The following TET1 variants were observed in gnomAD, a reference collection of about 807,000 sequenced individuals.
TET1 encodes the protein methylcytosine dioxygenase TET1.
TET1 carries 13 observed loss-of-function variants against 148.7 expected under a neutral mutation model. That is an observed-to-expected ratio of 0.09 (90% CI 0.06 to 0.14). The LOEUF is 0.14. Among genes scored for constraint, TET1 ranks in the 10% least tolerant of loss-of-function variants. TET1 has a pLI of 1.00. For missense variants in TET1, 2,182 were observed against 2,553.8 expected (o/e 0.85, Z 3.14); for synonymous variants, 907 against 937.2 (o/e 0.97, Z 0.59).
chr10:68,686,073 C>A (rs931316907), intron 10 of TET1, among the ~76,000 whole-genome samples: 1 of 152,056 alleles, frequency 6.6e-6, no homozygotes, highest in African/African-American at 2.4e-5. Context: ...TGAAATGTAA[C>A]AAGAATGTTT....
intron 2 of TET1, among the ~76,000 whole-genome samples, chr10:68,590,996 C>T (rs1292740102): frequency 6.6e-6 from 1 of 152,130 alleles, no homozygotes; most frequent in Non-Finnish European, 1.5e-5. Flanking sequence ...GCTGGGATTA[C>T]AGGCATGCAC....
intron 2 of TET1, among the ~76,000 whole-genome samples, chr10:68,590,948 C>G (rs1222279302): frequency 6.6e-6 from 1 of 152,014 alleles, no homozygotes; most frequent in Non-Finnish European, 1.5e-5. Context: ...CTCCACCTCC[C>G]AGGTTCAAGC....
chr10:68,677,866 T>C (rs1402706677), intron 8 of TET1, among the ~76,000 whole-genome samples: 2 of 152,184 alleles, frequency 1.3e-5, no homozygotes, highest in Non-Finnish European at 2.9e-5. Context: ...GTGATTCGCC[T>C]GCCTTGGCCT....
chr10:68,646,498 G>C lies in TET1; in HGVS notation c.3769G>C (p.Val1257Leu). Residue 1257 changes from valine to leucine, a missense_variant, in exon 4 of 12, where the codon GTT (valine) becomes CTT (leucine). Coordinates refer to ENST00000373644, the MANE Select transcript of TET1 (RefSeq NM_030625.3). ...YPESAEEKVKVEPLDSLSLFH... is the reference protein window; with the variant it reads ...YPESAEEKVKLEPLDSLSLFH... ...TGAATCAGCAGAGGAAAAGGTGAAG[G>C]TTGAACCATTGGATTCACTCAGCTT... 1.2e-6 allele frequency: 2 copies of C among 1,614,180 alleles called. No homozygotes were observed. The highest frequency in any genetic ancestry group is 2.2e-5 in the South Asian group (2 of 91,084).
intron 2 of TET1, among the ~76,000 whole-genome samples, chr10:68,576,111 T>G (rs1037577715): frequency 6.6e-6 from 1 of 151,888 alleles, no homozygotes; most frequent in African/African-American, 2.4e-5. Flanking sequence ...ATCCCAGAAC[T>G]TTGGGAGGCT....
chr10:68,661,196 ATTTTTTTTT>A (rs974912892), intron 6 of TET1, among the ~76,000 whole-genome samples: 22 of 78,612 alleles, frequency 2.8e-4, no homozygotes, highest in African/African-American at 8.7e-4. Flanking sequence ...CGCCTGGCTA[ATTTTTTTTT>A]TTTTTTTTTT....
intron 2 of TET1, among the ~76,000 whole-genome samples, chr10:68,585,147 G>A (rs2053847020): frequency 6.6e-6 from 1 of 152,108 alleles, no homozygotes; most frequent in Non-Finnish European, 1.5e-5. Flanking sequence ...TGGGATTAAA[G>A]GCATGCGCCA....
chr10:68,629,107 G>A (rs972613038), intron 3 of TET1, among the ~76,000 whole-genome samples: 1 of 152,152 alleles, frequency 6.6e-6, no homozygotes, highest in African/African-American at 2.4e-5. Context: ...GCTCATGCCT[G>A]GAATCTCAGC....
intron 2 of TET1, among the ~76,000 whole-genome samples, chr10:68,594,498 TG>T (rs1438596457): frequency 6.6e-6 from 1 of 151,270 alleles, no homozygotes; most frequent in Non-Finnish European, 1.5e-5. Context: ...CTTGGGAGAG[TG>T]GGGGAAGAGC....
At chr10:68,624,656 CTT>C (rs774695593) in intron 3 of TET1, among the ~76,000 whole-genome samples, 113 of 59,234 alleles carry the variant, frequency 1.9e-3, no homozygotes, top group African/African-American at 4.6e-3. Flanking sequence ...TTCTTTCTTT[CTT>C]TCTCTCTCTC....
Position 68,691,513 on chromosome 10 carries a change from A to G in TET1, c.6110A>G (p.Asn2037Ser), listed in dbSNP as rs1305975623. The G allele has an allele frequency of 1.2e-6, 2 of 1,613,760 alleles. No homozygotes were observed. Among genetic ancestry groups the G allele is most frequent in the Admixed American group, 1.7e-5 (1 of 59,986 alleles). The change falls in exon 12 of 12, where the codon AAC (asparagine) becomes AGC (serine). Residue 2037 changes from asparagine to serine, a missense_variant. By Grantham distance (46) the Asn-to-Ser change is conservative. This residue lies in a region of TET1 where 20 missense variants were observed against 23.9 expected (regional missense o/e 0.84). Coordinates refer to ENST00000373644, the MANE Select transcript of TET1 (RefSeq NM_030625.3). This position sits in a 1 kb window ranked among gnomAD's most constrained non-coding sequence, Gnocchi z 4.4. ...GCTACCACTCCTGTTGAGCACCCCA[A>G]CCGTAATCATCCAACCCGCCTCTCC... ...LHATTPVEHP[N>S]RNHPTRLSLV...
chr10:68,599,543 T>G (rs2054027419), intron 2 of TET1, among the ~76,000 whole-genome samples: 1 of 152,182 alleles, frequency 6.6e-6, no homozygotes, highest in Admixed American at 6.6e-5. Flanking sequence ...GTGCCAGCTG[T>G]CCCACTGCCT....
At position 68,593,915 on chromosome 10, in the gene TET1, A is replaced by ATTTTTTTTTT. The variant is rs3998851; in HGVS notation, c.1915-7047_1915-7038dup. ...AGGCGTGAGCCACTGCGCCTGAGCT[A>ATTTTTTTTTT]TTTTTTTTTTTTTTTTTTTTTTTTT... On this transcript the variant is annotated intron_variant, in intron 2 of 11. Transcript: ENST00000373644. Among the ~76,000 whole-genome samples, 49 of 44,752 alleles carry ATTTTTTTTTT rather than the reference A, an allele frequency of 1.1e-3. 14 individuals are homozygous for ATTTTTTTTTT. The highest frequency in any genetic ancestry group is 1.7e-3 in the Non-Finnish European group (43 of 25,318). 29.4% of individuals were successfully genotyped at this position (44,752 alleles called of 152,430 possible). A position where few individuals can be genotyped will look rare whatever the true frequency, so the allele number is the denominator to read the frequency against.
At chr10:68,647,112 C>T in intron 4 of TET1, 107 bp downstream of exon 4, 1 of 1,195,286 alleles carries the variant, frequency 8.4e-7, no homozygotes, top group Middle Eastern at 2.0e-4. Context: ...TTTCCCCATT[C>T]TTATTCTAAC....
intron 2 of TET1, among the ~76,000 whole-genome samples, chr10:68,589,545 C>A (rs374901979): frequency 9.2e-5 from 14 of 151,916 alleles, no homozygotes; most frequent in Admixed American, 8.5e-4. Flanking sequence ...CTCAAGTGAT[C>A]CACCTGCCTC....
chr10:68,665,156 T>C (rs1467166369), intron 6 of TET1, among the ~76,000 whole-genome samples: 1 of 152,202 alleles, frequency 6.6e-6, no homozygotes, highest in Non-Finnish European at 1.5e-5. Context: ...TGTTTTCTTC[T>C]AAAATTCTTC....
intron 3 of TET1, among the ~76,000 whole-genome samples, chr10:68,637,926 T>C (rs899940180): frequency 2.6e-5 from 4 of 151,960 alleles, no homozygotes; most frequent in Admixed American, 2.6e-4. Flanking sequence ...ATTACAGGCA[T>C]GTGCCACCTC....
intron 2 of TET1, among the ~76,000 whole-genome samples, chr10:68,595,919 CAT>C (rs374124558): frequency 0.046 from 1,594 of 34,456 alleles, 147 homozygotes; most frequent in African/African-American, 0.054. Context: ...CCAGCCAAAA[CAT>C]ATATATATAT....
chr10:68,574,334 G>A, intron 2 of TET1, 82 bp downstream of exon 2: 1 of 1,060,800 alleles, frequency 9.4e-7, no homozygotes, highest in South Asian at 1.6e-5. Flanking sequence ...AGTGTCTCTA[G>A]TGTCTCTATG....
Sources: allele counts gnomAD v4.1 joint callset (sites outside exome capture counted in the v4.1 genomes callset), GRCh38; gene constraint gnomAD v4.1.1; regional missense constraint gnomAD v4.1.1; non-coding constraint Gnocchi (gnomAD v3.1); transcripts MANE v1.5; gene names NCBI Gene and HGNC (gene_info 2026-07-23, HGNC 2026-07-21).